Variants in GALNT2 observed in about 807,000 individuals in gnomAD.
GALNT2 encodes UDP-GalNAc:polypeptide N-acetylgalactosaminyltransferase 2.
In GALNT2, 31 loss-of-function variants were observed where a neutral mutation model predicts 81.4. The observed-to-expected ratio is 0.38, with a 90% CI of 0.29 to 0.51. GALNT2 has a LOEUF of 0.51. Among genes scored for constraint, GALNT2 ranks in the 20% least tolerant of loss-of-function variants. GALNT2 has a pLI of 0.87. For synonymous variants in GALNT2, 303 were observed against 287.4 expected, an observed-to-expected ratio of 1.05 and a Z score of -0.55; for missense variants, 629 against 765.7, an observed-to-expected ratio of 0.82 and a Z score of 2.11.
At chr1:230,083,978 G>A (rs530863363) in intron 1 of GALNT2, among the ~76,000 whole-genome samples, 33 of 152,360 alleles carry the variant, frequency 2.2e-4, no homozygotes, top group African/African-American at 7.9e-4. Context: ...ATCTCCATCA[G>A]CACCCGGATG....
chr1:230,235,882 ACTT>A, intron 3 of GALNT2, 129 bp from the exon 4 acceptor site: 1 of 725,576 alleles, frequency 1.4e-6, no homozygotes, highest in Non-Finnish European at 2.3e-6. Context: ...CAGGCCAGGA[ACTT>A]CTGCAGATAA....
In GALNT2 at chr1:230,132,463, G is replaced by A. The variant is rs374825540; in HGVS notation, c.127-45755G>A. Among the ~76,000 whole-genome samples, 14 of 152,164 alleles carry A rather than the reference G, an allele frequency of 9.2e-5. No individual in the cohort carries two copies. In the East Asian group the frequency reaches 9.6e-4, roughly 10 times the overall value. ...AGCTCCTTGAACCCTGTGAAAGCCC[G>A]CAGAGGCTGAGTCCTGCACCCCCTC... On this transcript the variant is annotated intron_variant, in intron 1 of 15. Transcript: ENST00000366672.
chr1:230,115,740 T>G (rs1161000887), intron 1 of GALNT2, among the ~76,000 whole-genome samples: 1 of 152,206 alleles, frequency 6.6e-6, no homozygotes, highest in Admixed American at 6.5e-5. Flanking sequence ...CGTTGCTGTT[T>G]AGCATTTTGC....
At chr1:230,244,190 T>C (rs1665294956) in intron 7 of GALNT2, among the ~76,000 whole-genome samples, 1 of 152,020 alleles carries the variant, frequency 6.6e-6, no homozygotes, top group Non-Finnish European at 1.5e-5. Flanking sequence ...CTGTGAGTCA[T>C]GGAATACTAA....
chr1:230,208,349 GCTGGCACAAGGGAAGAC>G (rs1262292870), intron 3 of GALNT2, among the ~76,000 whole-genome samples: 1 of 152,166 alleles, frequency 6.6e-6, no homozygotes, highest in Non-Finnish European at 1.5e-5. Flanking sequence ...AAGGATTGTG[GCTGGCACAAGGGAAGAC>G]CTGCAGTCTC....
intron 1 of GALNT2, among the ~76,000 whole-genome samples, chr1:230,097,000 C>T (rs551812462): frequency 1.3e-5 from 2 of 152,296 alleles, no homozygotes; most frequent in East Asian, 1.9e-4. Context: ...CAGGATCATA[C>T]TAAGTTACTG....
chr1:230,213,996 T>C (rs1664309952), intron 3 of GALNT2, among the ~76,000 whole-genome samples: 1 of 152,240 alleles, frequency 6.6e-6, no homozygotes, highest in African/African-American at 2.4e-5. Flanking sequence ...TCATTTCTTA[T>C]ATTTCTATTT....
chr1:230,155,196 A>G (rs1239707242), intron 1 of GALNT2, among the ~76,000 whole-genome samples: 1 of 152,124 alleles, frequency 6.6e-6, no homozygotes, highest in African/African-American at 2.4e-5. Flanking sequence ...TTTCTCTCAC[A>G]TCTGTGGAGC....
chr1:230,063,317 A>C (rs1659092824), upstream of GALNT2, among the ~76,000 whole-genome samples: 1 of 152,100 alleles, frequency 6.6e-6, no homozygotes, highest in Non-Finnish European at 1.5e-5. Flanking sequence ...CCAAAAAAAA[A>C]AAAAAAAATT....
chr1:230,118,369 C>T (rs1015261855), intron 1 of GALNT2, among the ~76,000 whole-genome samples: 1 of 152,246 alleles, frequency 6.6e-6, no homozygotes, highest in African/African-American at 2.4e-5. Flanking sequence ...TAAATTCCAA[C>T]GAGTGCGCTC....
chr1:230,153,087 G>A (rs910604944), intron 1 of GALNT2, among the ~76,000 whole-genome samples: 2 of 152,162 alleles, frequency 1.3e-5, no homozygotes, highest in Non-Finnish European at 2.9e-5. Context: ...TTTTAGAGAT[G>A]AGGTCTTACC....
chr1:230,247,045 G>C (rs1357896732), intron 8 of GALNT2, among the ~76,000 whole-genome samples: 2 of 150,330 alleles, frequency 1.3e-5, no homozygotes, highest in Non-Finnish European at 2.9e-5. Flanking sequence ...TTCAAGACCA[G>C]CCTGGGCAAC....
intron 1 of GALNT2, among the ~76,000 whole-genome samples, chr1:230,100,299 T>A (rs182317897): frequency 6.8e-6 from 1 of 146,508 alleles, no homozygotes; most frequent in African/African-American, 2.5e-5. Flanking sequence ...GCCCAGGGTA[T>A]CTTTTTATTC....
chr1:230,065,658 G>A (rs574307923), upstream of GALNT2, among the ~76,000 whole-genome samples: 34 of 152,226 alleles, frequency 2.2e-4, no homozygotes, highest in African/African-American at 7.2e-4. Flanking sequence ...CAGGGTTCCC[G>A]GTTCAAGAGT....
chr1:230,060,556 A>G (rs1007663842), intron 1 of GALNT2, among the ~76,000 whole-genome samples: 7 of 152,044 alleles, frequency 4.6e-5, no homozygotes, highest in African/African-American at 1.7e-4. Flanking sequence ...AGTGAATAAT[A>G]TGTCTATTAT....
intron 1 of GALNT2, among the ~76,000 whole-genome samples, chr1:230,061,817 G>A (rs527735989): frequency 2.0e-5 from 3 of 152,248 alleles, no homozygotes; most frequent in African/African-American, 7.2e-5. Flanking sequence ...GCAGATACAT[G>A]TGTCTTTTCT....
chr1:230,145,930 T>G (rs1284749334), intron 1 of GALNT2, among the ~76,000 whole-genome samples: 1 of 152,248 alleles, frequency 6.6e-6, no homozygotes, highest in East Asian at 1.9e-4. Flanking sequence ...TGCATTTTTA[T>G]TATCCTGTGA....
At chr1:230,154,145 G>A (rs558317155) in intron 1 of GALNT2, among the ~76,000 whole-genome samples, 29 of 152,334 alleles carry the variant, frequency 1.9e-4, no homozygotes, top group African/African-American at 5.5e-4. Flanking sequence ...ATTGTGCAAC[G>A]GGGATGTGGA....
chr1:230,210,485 A>G (rs990111423), intron 3 of GALNT2, among the ~76,000 whole-genome samples: 2 of 152,194 alleles, frequency 1.3e-5, no homozygotes, highest in African/African-American at 4.8e-5. Context: ...GGGGTTTTGA[A>G]ACATTTTTGT....
Sources: allele counts gnomAD v4.1 joint callset (sites outside exome capture counted in the v4.1 genomes callset), GRCh38; gene constraint gnomAD v4.1.1; transcripts MANE v1.5; gene names NCBI Gene and HGNC (gene_info 2026-07-23, HGNC 2026-07-21).